LINGO2: variants seen among roughly 807,000 people sequenced by gnomAD.
The protein encoded by LINGO2 is leucine-rich repeat and immunoglobulin-like domain-containing nogo receptor-interacting protein 2.
LINGO2 carries 14 observed loss-of-function variants against 30.6 expected under a neutral mutation model. The observed-to-expected ratio is 0.46, with a 90% confidence interval of 0.30 to 0.72. LINGO2 has a LOEUF of 0.72. Ranked by LOEUF, LINGO2 falls within the 30% of genes least tolerant of loss-of-function variation. The pLI is 0.07. For missense variants in LINGO2, 729 were observed against 751.7 expected (o/e 0.97, Z 0.35); for synonymous variants, 317 against 288.5 (o/e 1.10, Z -1.00).
At chr9:28,309,098 C>T (rs1311098277) in intron 3 of LINGO2, among the ~76,000 whole-genome samples, 1 of 152,060 alleles carries the variant, frequency 6.6e-6, no homozygotes, top group Non-Finnish European at 1.5e-5. Context: ...ACCCAAAGGA[C>T]TGTAAATCAT....
chr9:28,027,609 T>C (rs968734028), intron 4 of LINGO2, among the ~76,000 whole-genome samples: 2 of 152,186 alleles, frequency 1.3e-5, no homozygotes, highest in African/African-American at 4.8e-5. Context: ...TTCTTAGTAA[T>C]GTGACCTTGG....
intron 5 of LINGO2, among the ~76,000 whole-genome samples, chr9:27,956,440 C>T (rs1334121177): frequency 1.3e-5 from 2 of 152,058 alleles, no homozygotes; most frequent in African/African-American, 2.4e-5. Context: ...TGTATATATT[C>T]TAAATACAAG....
the LINGO2 span, among the ~76,000 whole-genome samples, chr9:28,989,733 C>CAGGGAGTGTAT: frequency 2.0e-5 from 3 of 152,244 alleles, no homozygotes. Context: ...TTCTTAGGGA[C>CAGGGAGTGTAT]ACAGCTAACT....
At chr9:28,937,208 C>A in the LINGO2 span, among the ~76,000 whole-genome samples, 1 of 152,014 alleles carries the variant, frequency 6.6e-6, no homozygotes, top group African/African-American at 2.4e-5. Flanking sequence ...TCTCAATAGT[C>A]TTAAAAGCCT....
At chr9:28,754,637 T>G in the LINGO2 span, among the ~76,000 whole-genome samples, 1 of 145,196 alleles carries the variant, frequency 6.9e-6, no homozygotes, top group Non-Finnish European at 1.5e-5. Context: ...TTTCTGTCCT[T>G]TTTTTTTTTT....
the LINGO2 span, among the ~76,000 whole-genome samples, chr9:28,818,817 T>C: frequency 6.6e-6 from 1 of 152,132 alleles, no homozygotes; most frequent in Non-Finnish European, 1.5e-5. Flanking sequence ...TGTAAAAAGA[T>C]AGAGCTCTCA....
chr9:28,090,589 C>G (rs1256117471), intron 4 of LINGO2, among the ~76,000 whole-genome samples: 3 of 152,090 alleles, frequency 2.0e-5, no homozygotes, highest in Admixed American at 6.6e-5. Flanking sequence ...CTATTTATGA[C>G]AAACCCACAG....
At chr9:28,099,648 T>G (rs915644478) in intron 4 of LINGO2, among the ~76,000 whole-genome samples, 1 of 152,202 alleles carries the variant, frequency 6.6e-6, no homozygotes, top group Admixed American at 6.5e-5. Flanking sequence ...CTACTCTCTA[T>G]TGAAGCAAGA....
At chr9:28,680,448 C>G in the LINGO2 span, among the ~76,000 whole-genome samples, 1 of 152,068 alleles carries the variant, frequency 6.6e-6, no homozygotes, top group Non-Finnish European at 1.5e-5. Flanking sequence ...CTTCAACATA[C>G]TGATTTTATT....
intron 2 of LINGO2, among the ~76,000 whole-genome samples, chr9:28,386,464 A>T (rs1821584586): frequency 6.6e-6 from 1 of 152,224 alleles, no homozygotes; most frequent in Non-Finnish European, 1.5e-5. Context: ...ATGAAGAAAG[A>T]TTAGAGAATA....
intron 5 of LINGO2, among the ~76,000 whole-genome samples, chr9:27,978,906 A>G (rs1439114196): frequency 1.3e-5 from 2 of 152,046 alleles, no homozygotes; most frequent in Non-Finnish European, 2.9e-5. Flanking sequence ...AGAACTTACT[A>G]TGTGCTAAGC....
intron 4 of LINGO2, among the ~76,000 whole-genome samples, chr9:28,060,464 A>AT (rs996375353): frequency 6.6e-6 from 1 of 152,170 alleles, no homozygotes; most frequent in African/African-American, 2.4e-5. Flanking sequence ...CATAAGTAAG[A>AT]TTTTTTATTT....
At chr9:28,058,531 G>A (rs543865761) in intron 4 of LINGO2, among the ~76,000 whole-genome samples, 2 of 152,216 alleles carry the variant, frequency 1.3e-5, no homozygotes, top group Admixed American at 6.5e-5. Context: ...CTAAATAAAT[G>A]TTATGAAGTA....
chr9:29,170,259 T>C, the LINGO2 span, among the ~76,000 whole-genome samples: 1 of 152,162 alleles, frequency 6.6e-6, no homozygotes, highest in African/African-American at 2.4e-5. Context: ...CATGGAATAC[T>C]ACTCAGCCAT....
At chr9:28,821,003 G>T in the LINGO2 span, among the ~76,000 whole-genome samples, 3 of 152,218 alleles carry the variant, frequency 2.0e-5, no homozygotes, top group South Asian at 6.2e-4. Context: ...ACAATGCACA[G>T]CTTCCTTCAC....
chr9:28,882,913 T>C, the LINGO2 span, among the ~76,000 whole-genome samples: 1 of 152,230 alleles, frequency 6.6e-6, no homozygotes, highest in Non-Finnish European at 1.5e-5. Context: ...AATAGTCTTG[T>C]AATTAGTCCC....
chr9:28,880,294 C>T, the LINGO2 span, among the ~76,000 whole-genome samples: 1 of 152,096 alleles, frequency 6.6e-6, no homozygotes, highest in Non-Finnish European at 1.5e-5. Context: ...AGACTTGTAC[C>T]TTAAAGAATT....
the LINGO2 span, among the ~76,000 whole-genome samples, chr9:29,135,558 CAAAA>C: frequency 9.2e-6 from 1 of 108,204 alleles, no homozygotes; most frequent in Non-Finnish European, 1.9e-5. Context: ...ATTCCATCTC[CAAAA>C]AAAAAAAAAA....
Position 28,640,334 on chromosome 9 carries a change from G to A in LINGO2, c.-365+29866C>T, listed in dbSNP as rs375070879. Among the ~76,000 whole-genome samples, 38 of 152,052 alleles carry A rather than the reference G, an allele frequency of 2.5e-4. No individual in the cohort carries two copies. The East Asian group carries it at 5.4e-3, about 22-fold the overall frequency. On this transcript the variant is annotated intron_variant, in intron 1 of 5. Coordinates refer to ENST00000379992, the Ensembl canonical transcript of LINGO2. ...TCTTCTCGAGGAGTATCTTTGTGGC[G>A]TTCTTTGTATTTCCTTAAGTTGAAT...
Sources: allele counts gnomAD v4.1 joint callset (sites outside exome capture counted in the v4.1 genomes callset), GRCh38; gene constraint gnomAD v4.1.1; transcripts MANE v1.5; gene names NCBI Gene and HGNC (gene_info 2026-07-23, HGNC 2026-07-21).